SH3BP5: variants seen among roughly 807,000 people sequenced by gnomAD.
SH3BP5 encodes SH3 domain binding protein 5.
In SH3BP5, 22 loss-of-function variants were observed where a neutral mutation model predicts 43.3. The observed-to-expected ratio is 0.51, with a 90% CI of 0.36 to 0.73. The LOEUF is 0.73. Ranked by LOEUF, SH3BP5 falls within the 30% of genes least tolerant of loss-of-function variation. The probability of loss-of-function intolerance (pLI) is 0.00; values close to 1 mark genes in which losing one functional copy is unlikely to be tolerated. For missense variants in SH3BP5, 529 were observed against 586.9 expected, an observed-to-expected ratio of 0.90 and a Z score of 1.02; for synonymous variants, 255 against 225.8, an observed-to-expected ratio of 1.13 and a Z score of -1.16.
At chr3:15,299,007 G>A (rs1480106403) in intron 3 of SH3BP5, among the ~76,000 whole-genome samples, 4 of 152,198 alleles carry the variant, frequency 2.6e-5, no homozygotes, top group Admixed American at 2.0e-4. Context: ...TACATTTTGT[G>A]TTGTATGTAC....
At chr3:15,274,549 A>G (rs1371598812) in intron 3 of SH3BP5, among the ~76,000 whole-genome samples, 2 of 151,924 alleles carry the variant, frequency 1.3e-5, no homozygotes, top group African/African-American at 4.8e-5. Flanking sequence ...GCTGGAGTAT[A>G]GTGGTGCGAT....
intron 4 of SH3BP5, among the ~76,000 whole-genome samples, chr3:15,267,981 T>C (rs1696689973): frequency 6.6e-6 from 1 of 152,234 alleles, no homozygotes; most frequent in Non-Finnish European, 1.5e-5. Flanking sequence ...GAAGCTACCT[T>C]ACATTTTGTC....
intron 2 of SH3BP5, among the ~76,000 whole-genome samples, chr3:15,312,152 T>C (rs1476318810): frequency 6.6e-6 from 1 of 152,178 alleles, no homozygotes; most frequent in East Asian, 1.9e-4. Context: ...GAGCGTTCAG[T>C]AGAGTTTTCC....
intron 2 of SH3BP5, among the ~76,000 whole-genome samples, chr3:15,324,420 C>T (rs1254216946): frequency 1.3e-5 from 2 of 152,148 alleles, no homozygotes; most frequent in African/African-American, 4.8e-5. Context: ...TCCCCAGTGC[C>T]CCACACAGGA....
At chr3:15,260,172 A>C (rs1696382435) in intron 5 of SH3BP5, 1 of 254,502 alleles carries the variant, frequency 3.9e-6, no homozygotes, top group Admixed American at 5.1e-5. Flanking sequence ...TCTCCTAATG[A>C]AGTTGGCTCC....
intron 2 of SH3BP5, among the ~76,000 whole-genome samples, chr3:15,324,387 T>C (rs1163997426): frequency 6.6e-6 from 1 of 152,232 alleles, no homozygotes; most frequent in Non-Finnish European, 1.5e-5. Context: ...GGGACGTGCC[T>C]GATTATTTGT....
chr3:15,311,419 C>A (rs1698054415), intron 2 of SH3BP5, among the ~76,000 whole-genome samples: 1 of 151,988 alleles, frequency 6.6e-6, no homozygotes, highest in Admixed American at 6.6e-5. Context: ...AAAAATTAGT[C>A]GGGCATGGTA....
At chr3:15,340,602 T>G (rs1698753736) in intron 1 of SH3BP5, among the ~76,000 whole-genome samples, 1 of 151,274 alleles carries the variant, frequency 6.6e-6, no homozygotes, top group Admixed American at 6.6e-5. Context: ...AATACAAAAA[T>G]TAGCCAGGCG....
intron 3 of SH3BP5, among the ~76,000 whole-genome samples, chr3:15,277,242 G>A (rs1559435276): frequency 6.6e-6 from 1 of 152,196 alleles, no homozygotes; most frequent in Admixed American, 6.5e-5. Context: ...AAAGTGCTGG[G>A]ATTACAGGGG....
intron 2 of SH3BP5, 32 bp from the exon 3 acceptor site, chr3:15,304,263 T>G: frequency 1.2e-6 from 2 of 1,613,914 alleles, no homozygotes; most frequent in Non-Finnish European, 1.7e-6. Flanking sequence ...GAAACACAGT[T>G]GAGGCTTAAG....
chr3:15,337,914 CAAAAAAAA>C (rs5846867), intron 1 of SH3BP5, among the ~76,000 whole-genome samples: 5 of 63,288 alleles, frequency 7.9e-5, no homozygotes, highest in Admixed American at 4.0e-4. Context: ...GACCCTGACT[CAAAAAAAA>C]AAAAAAAAAA....
chr3:15,294,328 T>TGC (rs528431186), intron 3 of SH3BP5, among the ~76,000 whole-genome samples: 2,739 of 128,864 alleles, frequency 0.021, 38 homozygotes, highest in Non-Finnish European at 0.029. Context: ...TGTGTGTGTG[T>TGC]GTGCGCGCGC....
At chr3:15,322,277 G>A (rs1157057349) in intron 2 of SH3BP5, among the ~76,000 whole-genome samples, 1 of 151,884 alleles carries the variant, frequency 6.6e-6, no homozygotes, top group Admixed American at 6.6e-5. Flanking sequence ...TATGGTTCTA[G>A]ATATGCTCTA....
intron 2 of SH3BP5, among the ~76,000 whole-genome samples, chr3:15,330,009 G>A (rs1698569647): frequency 6.6e-6 from 1 of 152,210 alleles, no homozygotes; most frequent in Non-Finnish European, 1.5e-5. Flanking sequence ...CTATGCACTA[G>A]CAGACAATAA....
Position 15,255,855 on chromosome 3 carries a change from G to A in SH3BP5, c.*231C>T, listed in dbSNP as rs1696174802. 1 of 507,176 alleles carries A rather than the reference G, an allele frequency of 2.0e-6. No homozygotes were observed. Among genetic ancestry groups the A allele is most frequent in the African/African-American group, 1.9e-5 (1 of 52,134 alleles). The allele number at this position is 507,176 out of a possible 1,614,324, so 31.4% of individuals were successfully genotyped here. A position where few individuals can be genotyped will look rare whatever the true frequency, so the allele number is the denominator to read the frequency against. On this transcript the variant is annotated 3_prime_UTR_variant, in exon 9 of 9. Coordinates refer to ENST00000383791, the MANE Select transcript of SH3BP5 (RefSeq NM_004844.5). ...GCCGTTATACGGAATGTTCCACAAAGGCTGTGAACCTAGTCACAGTCTACC... is the reference window on the plus strand; with the variant it reads ...GCCGTTATACGGAATGTTCCACAAAAGCTGTGAACCTAGTCACAGTCTACC...
chr3:15,266,300 G>A (rs1249450852), intron 4 of SH3BP5, among the ~76,000 whole-genome samples: 2 of 152,244 alleles, frequency 1.3e-5, no homozygotes, highest in Admixed American at 1.3e-4. Context: ...AGGCTGTCGT[G>A]AGCAGCTCCT....
intron 2 of SH3BP5, among the ~76,000 whole-genome samples, chr3:15,312,348 A>G (rs1401512315): frequency 6.6e-6 from 1 of 152,226 alleles, no homozygotes; most frequent in Non-Finnish European, 1.5e-5. Flanking sequence ...ATTTTTGTTA[A>G]CATGTAATAG....
At chr3:15,266,488 T>C (rs1379961660) in intron 4 of SH3BP5, among the ~76,000 whole-genome samples, 1 of 152,028 alleles carries the variant, frequency 6.6e-6, no homozygotes, top group Admixed American at 6.6e-5. Context: ...AAAGCCAATT[T>C]CTCCCTCCCA....
At chr3:15,324,683 C>T (rs774187181) in intron 2 of SH3BP5, among the ~76,000 whole-genome samples, 14 of 152,118 alleles carry the variant, frequency 9.2e-5, no homozygotes, top group East Asian at 1.9e-4. Flanking sequence ...TCCACCCACA[C>T]GTTTTAATGG....
Sources: allele counts gnomAD v4.1 joint callset (sites outside exome capture counted in the v4.1 genomes callset), GRCh38; gene constraint gnomAD v4.1.1; transcripts MANE v1.5; gene names NCBI Gene and HGNC (gene_info 2026-07-23, HGNC 2026-07-21).